Variants in SAMMSON observed in about 807,000 individuals in gnomAD.
SAMMSON encodes the protein survival associated mitochondrial melanoma specific oncogenic non-coding RNA.
intron 4 of SAMMSON, among the ~76,000 whole-genome samples, chr3:70,164,549 A>G (rs2067628990): frequency 6.6e-6 from 1 of 152,062 alleles, no homozygotes; most frequent in Non-Finnish European, 1.5e-5. Flanking sequence ...AAATTTTACC[A>G]GGTAGCTCCT....
At position 70,045,972 on chromosome 3, in the gene SAMMSON, A is replaced by G. The variant is rs117526786; in HGVS notation, n.418-25504A>G. ...GAGAAAATAACTCTGTTCAGAGGTG[A>G]TTTATCTTTTTAAGCATCACTCGGG... On this transcript the variant is annotated intron_variant and non_coding_transcript_variant, in intron 3 of 9. Transcript: ENST00000642114. 1.2e-4 allele frequency among the ~76,000 whole-genome samples: 18 copies of G among 152,236 alleles called. No homozygotes were observed. The East Asian group carries it at 3.3e-3, about 28-fold the overall frequency.
chr3:70,151,579 CCCATCTTTA>C (rs1442320170), intron 4 of SAMMSON, among the ~76,000 whole-genome samples: 1 of 152,002 alleles, frequency 6.6e-6, no homozygotes, highest in Non-Finnish European at 1.5e-5. Flanking sequence ...CTTTGCACTA[CCCATCTTTA>C]TGGTGTCTTG....
At chr3:70,135,968 C>T (rs543979056) in intron 4 of SAMMSON, among the ~76,000 whole-genome samples, 4 of 143,192 alleles carry the variant, frequency 2.8e-5, no homozygotes, top group Admixed American at 7.0e-5. Context: ...ACTGATTTGT[C>T]GGTTGTTATA....
intron 9 of SAMMSON, among the ~76,000 whole-genome samples, chr3:70,359,134 T>A (rs1702852393): frequency 6.6e-6 from 1 of 152,136 alleles, no homozygotes; most frequent in Admixed American, 6.6e-5. Context: ...TTTCTCCTCT[T>A]GCAAAAATGA....
chr3:70,166,014 T>C (rs539429832), intron 4 of SAMMSON, among the ~76,000 whole-genome samples: 4 of 152,000 alleles, frequency 2.6e-5, no homozygotes, highest in East Asian at 1.9e-4. Flanking sequence ...CTGTAAGATA[T>C]GTAGACTGAA....
intron 3 of SAMMSON, among the ~76,000 whole-genome samples, chr3:70,042,922 A>G (rs1480005631): frequency 6.6e-6 from 1 of 152,148 alleles, no homozygotes; most frequent in Non-Finnish European, 1.5e-5. Flanking sequence ...GCTTCCCCAG[A>G]GATTTCGCTT....
intron 4 of SAMMSON, among the ~76,000 whole-genome samples, chr3:70,206,172 A>G (rs1701289190): frequency 6.6e-6 from 1 of 152,116 alleles, no homozygotes; most frequent in East Asian, 1.9e-4. Context: ...TATGCTGTCT[A>G]TATTTATATA....
chr3:70,170,485 A>T lies in SAMMSON; in HGVS notation n.508-78622A>T, dbSNP rs139175465. ...GAAAATCACATAATATTTTTACTTT[A>T]TACCGCACAATTAATGGCCATATGG... On this transcript the variant is annotated intron_variant and non_coding_transcript_variant, in intron 4 of 9. Coordinates refer to ENST00000642114, the Ensembl canonical transcript of SAMMSON. 4.7e-3 allele frequency among the ~76,000 whole-genome samples: 711 copies of T among 151,698 alleles called. 16 individuals carry two copies. Among genetic ancestry groups the T allele is most frequent in the East Asian group, 0.033 (170 of 5,158 alleles).
intron 2 of SAMMSON, among the ~76,000 whole-genome samples, chr3:70,410,605 A>T (rs1575643745): frequency 6.6e-6 from 1 of 152,202 alleles, no homozygotes; most frequent in Non-Finnish European, 1.5e-5. Flanking sequence ...AGATTTTTTT[A>T]AAACCTTCAT....
intron 4 of SAMMSON, among the ~76,000 whole-genome samples, chr3:70,102,660 C>T (rs561503210): frequency 1.3e-5 from 2 of 152,150 alleles, no homozygotes; most frequent in Non-Finnish European, 2.9e-5. Context: ...CTTGTACGAA[C>T]AGCTCCAAGT....
At chr3:70,014,796 G>T (rs908035413) in intron 3 of SAMMSON, 4 of 152,128 alleles carry the variant, frequency 2.6e-5, no homozygotes, top group African/African-American at 9.7e-5. Flanking sequence ...TGCATGAGTT[G>T]TCCATCTTTG....
At chr3:70,394,881 G>A (rs1014506224) in intron 2 of SAMMSON, among the ~76,000 whole-genome samples, 1 of 152,100 alleles carries the variant, frequency 6.6e-6, no homozygotes, top group African/African-American at 2.4e-5. Context: ...AAAACAAACA[G>A]CCAGCAACAG....
chr3:70,250,411 TCACACACACACACACACACACACACA>T (rs61355248), intron 6 of SAMMSON, among the ~76,000 whole-genome samples: 1 of 124,908 alleles, frequency 8.0e-6, no homozygotes, highest in Non-Finnish European at 1.7e-5. Flanking sequence ...TTAATGAATC[TCACACACACACACACACACACACACA>T]CACACACACA....
intron 4 of SAMMSON, among the ~76,000 whole-genome samples, chr3:70,208,856 T>C (rs1011226821): frequency 6.6e-6 from 1 of 152,124 alleles, no homozygotes; most frequent in African/African-American, 2.4e-5. Flanking sequence ...TCTATTCTCT[T>C]CCTTTTATGT....
intron 6 of SAMMSON, among the ~76,000 whole-genome samples, chr3:70,268,816 A>G (rs907019060): frequency 2.0e-5 from 3 of 152,198 alleles, no homozygotes; most frequent in Admixed American, 2.0e-4. Flanking sequence ...CATCTACAAA[A>G]CAAACTATTC....
chr3:70,300,660 G>A (rs895219125), intron 7 of SAMMSON, among the ~76,000 whole-genome samples: 5 of 151,936 alleles, frequency 3.3e-5, no homozygotes, highest in Admixed American at 2.0e-4. Context: ...GTATCTAGGG[G>A]AATCCAAGAT....
intron 4 of SAMMSON, among the ~76,000 whole-genome samples, chr3:70,191,476 A>G (rs1487668620): frequency 1.3e-5 from 2 of 152,230 alleles, no homozygotes; most frequent in African/African-American, 2.4e-5. Context: ...CTAAAATGGA[A>G]CACTAAAAGG....
At chr3:70,270,512 C>G (rs904177764) in intron 6 of SAMMSON, among the ~76,000 whole-genome samples, 2 of 152,140 alleles carry the variant, frequency 1.3e-5, no homozygotes, top group Non-Finnish European at 2.9e-5. Flanking sequence ...ACTTTAATTA[C>G]TAAAACTTTC....
rs572513352 is a variant in SAMMSON at position 70,304,544 on chromosome 3, G to A, written n.739+13301G>A. 1.8e-4 allele frequency among the ~76,000 whole-genome samples: 28 copies of A among 152,142 alleles called. No homozygotes were observed. In the East Asian group the frequency reaches 4.1e-3, roughly 22 times the overall value. The stretch of plus-strand genomic sequence containing the variant: ...TTACCATTTCACAATTTCTAAAGCC[G>A]GGGGTCAGCCTTTGATTCCTTTCTT... On this transcript the variant is annotated intron_variant and non_coding_transcript_variant, in intron 7 of 9. Coordinates refer to ENST00000642114, the Ensembl canonical transcript of SAMMSON.
Sources: gnomAD v4.1 joint callset for allele counts (sites outside exome capture counted in the v4.1 genomes callset) on GRCh38, gnomAD v4.1.1 for gene constraint, MANE v1.5 for transcripts, NCBI Gene and HGNC (gene_info 2026-07-23, HGNC 2026-07-21) for gene names.